Variants in PFKFB3 observed in about 807,000 individuals in gnomAD.
The protein encoded by PFKFB3 is 6-phosphofructo-2-kinase/fructose-2,6-biphosphatase 3.
PFKFB3 carries 33 observed loss-of-function variants against 68.0 expected under a neutral mutation model. That is an observed-to-expected ratio of 0.49 (90% confidence interval 0.37 to 0.65). The LOEUF (loss-of-function observed/expected upper bound fraction) is 0.65, where lower values mean the gene tolerates loss of function less well. Ranked by LOEUF, PFKFB3 falls within the 30% of genes least tolerant of loss-of-function variation. The pLI, the probability that PFKFB3 is intolerant of heterozygous loss-of-function variation, is 0.00. For synonymous variants in PFKFB3, 315 were observed against 288.2 expected, an observed-to-expected ratio of 1.09 and a Z score of -0.94; for missense variants, 586 against 712.2, an observed-to-expected ratio of 0.82 and a Z score of 2.02.
intron 1 of PFKFB3, among the ~76,000 whole-genome samples, chr10:6,187,355 C>G (rs1296590610): frequency 6.6e-6 from 1 of 151,950 alleles, no homozygotes; most frequent in African/African-American, 2.4e-5. Context: ...AGTGATACTC[C>G]GTCTCAGAAA....
chr10:6,145,046 AGC>A (rs1481868186), intron 1 of PFKFB3: 4 of 1,313,890 alleles, frequency 3.0e-6, no homozygotes, highest in South Asian at 2.0e-5. Flanking sequence ...CCACGCCCCC[AGC>A]GCGCGCGGGG....
At chr10:6,210,356 G>GTT (rs762723368) in intron 1 of PFKFB3, among the ~76,000 whole-genome samples, 743 of 44,386 alleles carry the variant, frequency 0.017, 67 homozygotes, top group African/African-American at 0.032. Context: ...GTTTTTTTTT[G>GTT]TTTTTTTGTT....
chr10:6,149,117 G>A (rs911276074), intron 1 of PFKFB3, among the ~76,000 whole-genome samples: 2 of 152,070 alleles, frequency 1.3e-5, no homozygotes, highest in African/African-American at 4.8e-5. Context: ...TGTAGACGGT[G>A]ACTCATCTCA....
chr10:6,236,724 C>T (rs536428461), downstream of PFKFB3, among the ~76,000 whole-genome samples: 1 of 152,320 alleles, frequency 6.6e-6, no homozygotes, highest in African/African-American at 2.4e-5. Flanking sequence ...GCCTTTCAGG[C>T]TGACTACCCA....
intron 1 of PFKFB3, among the ~76,000 whole-genome samples, chr10:6,193,865 T>C (rs182138476): frequency 1.3e-5 from 2 of 152,276 alleles, no homozygotes; most frequent in Non-Finnish European, 2.9e-5. Flanking sequence ...AGTACATTGA[T>C]CAGTTAGGTT....
At chr10:6,303,391 A>G in the PFKFB3 span, among the ~76,000 whole-genome samples, 3 of 152,214 alleles carry the variant, frequency 2.0e-5, no homozygotes, top group African/African-American at 7.2e-5. Context: ...TGACAAAATA[A>G]GGTTTATTCA....
chr10:6,222,388 TAA>T (rs1323797475), intron 10 of PFKFB3, among the ~76,000 whole-genome samples: 12 of 152,370 alleles, frequency 7.9e-5, no homozygotes, highest in African/African-American at 2.9e-4. Flanking sequence ...TTCATCACGT[TAA>T]AGTTATGATT....
the PFKFB3 span, among the ~76,000 whole-genome samples, chr10:6,263,589 C>T: frequency 2.0e-5 from 3 of 152,282 alleles, no homozygotes; most frequent in South Asian, 2.1e-4. Context: ...AGCAGGAAGC[C>T]AACCAGCAAG....
At chr10:6,271,783 G>T in the PFKFB3 span, among the ~76,000 whole-genome samples, 13 of 152,234 alleles carry the variant, frequency 8.5e-5, no homozygotes, top group Admixed American at 2.6e-4. Context: ...GGAGGGTGGA[G>T]CCTATGGGTA....
chr10:6,152,893 G>A (rs903178078), intron 1 of PFKFB3, among the ~76,000 whole-genome samples: 3 of 151,398 alleles, frequency 2.0e-5, no homozygotes, highest in Admixed American at 6.6e-5. Context: ...AAAAAAGGAA[G>A]AAGAGGCTGG....
the PFKFB3 span, among the ~76,000 whole-genome samples, chr10:6,292,202 C>T: frequency 6.6e-6 from 1 of 150,606 alleles, no homozygotes; most frequent in Non-Finnish European, 1.5e-5. Flanking sequence ...GATCCTCCCA[C>T]CTCAGCATCC....
At chr10:6,290,199 C>G in the PFKFB3 span, among the ~76,000 whole-genome samples, 5 of 151,856 alleles carry the variant, frequency 3.3e-5, no homozygotes, top group Admixed American at 6.6e-5. Flanking sequence ...CCTTTATTTC[C>G]TTCTCCTGCC....
At chr10:6,179,296 G>A (rs1842633262) in intron 1 of PFKFB3, among the ~76,000 whole-genome samples, 1 of 152,240 alleles carries the variant, frequency 6.6e-6, no homozygotes, top group East Asian at 1.9e-4. Flanking sequence ...AAGAGCAGTG[G>A]ATGAGGGCGA....
At chr10:6,249,088 C>T (rs1423151285) in intron 14 of PFKFB3, among the ~76,000 whole-genome samples, 6 of 149,060 alleles carry the variant, frequency 4.0e-5, no homozygotes, top group East Asian at 2.0e-4. Context: ...GCAGGAGAAT[C>T]GCTTGAACCC....
At chr10:6,165,238 A>G (rs1241860850) in intron 1 of PFKFB3, among the ~76,000 whole-genome samples, 5 of 151,988 alleles carry the variant, frequency 3.3e-5, no homozygotes, top group African/African-American at 9.7e-5. Context: ...ACTGCCTGCA[A>G]ACATATTGTT....
At chr10:6,165,177 G>A (rs1193526082) in intron 1 of PFKFB3, among the ~76,000 whole-genome samples, 3 of 152,160 alleles carry the variant, frequency 2.0e-5, no homozygotes, top group Non-Finnish European at 4.4e-5. Flanking sequence ...GCAGTGCATG[G>A]TGTCCCTGGT....
chr10:6,223,868 C>T (rs553733511), intron 11 of PFKFB3, 90 bp from the exon 12 acceptor site: 54 of 1,118,470 alleles, frequency 4.8e-5, no homozygotes, highest in East Asian at 1.4e-4. Context: ...CCACCTGCCT[C>T]GGCCTCCCAA....
chr10:6,189,999 A>G (rs993347277), intron 1 of PFKFB3, among the ~76,000 whole-genome samples: 17 of 151,992 alleles, frequency 1.1e-4, no homozygotes, highest in Admixed American at 5.9e-4. Flanking sequence ...GCTGGAGTGC[A>G]GTGGTGTGAT....
the PFKFB3 span, among the ~76,000 whole-genome samples, chr10:6,298,904 A>G: frequency 6.6e-6 from 1 of 152,148 alleles, no homozygotes; most frequent in Non-Finnish European, 1.5e-5. Context: ...TTTATATGAC[A>G]TCTTATTTTC....
Sources: allele counts gnomAD v4.1 joint callset (sites outside exome capture counted in the v4.1 genomes callset), GRCh38; gene constraint gnomAD v4.1.1; transcripts MANE v1.5; gene names NCBI Gene and HGNC (gene_info 2026-07-23, HGNC 2026-07-21).